The following NYX variants were observed in gnomAD, a reference collection of about 807,000 sequenced individuals.
The protein encoded by NYX is nyctalopin.
For synonymous variants in NYX, 258 were observed against 245.7 expected (o/e 1.05, Z -0.47); for missense variants, 481 against 485.4 (o/e 0.99, Z 0.09).
intron 2 of NYX, among the ~76,000 whole-genome samples, chrX:41,452,509 C>T (rs1220539602): frequency 9.0e-6 from 1 of 111,699 alleles, no homozygotes; most frequent in African/African-American, 3.3e-5. Flanking sequence ...AACGTTATTA[C>T]GTGGATTAGA....
In NYX at chrX:41,473,866, G is replaced by A; in HGVS notation, c.398G>A (p.Arg133His). Residue 133 changes from arginine to histidine, a missense_variant, in exon 3 of 3, where the codon CGC becomes CAC. By Grantham distance (29) the Arg-to-His change is conservative. Coordinates refer to ENST00000378220, the MANE Select transcript of NYX (RefSeq NM_001378477.3). ...ACCTTCGCGGCGCTCAGCCGCCTGC[G>A]CCGCCTAGACCTAGCAGCCTGCCGC... ...ARTFAALSRL[R>H]RLDLAACRLF... 1 of 1,112,659 alleles carries A rather than the reference G, an allele frequency of 9.0e-7. No individual in the cohort carries two copies. Among genetic ancestry groups the A allele is most frequent in the Non-Finnish European group, 1.2e-6 (1 of 853,523 alleles). The allele number at this position is 1,112,659 out of a possible 1,213,427, so 91.7% of individuals were successfully genotyped here.
At position 41,474,017 on chromosome X, in the gene NYX, C is replaced by T. The variant is rs1181283275; in HGVS notation, c.549C>T (p.His183=). The T allele has an allele frequency of 3.1e-5, 33 of 1,055,137 alleles. No homozygotes were observed. The highest frequency in any genetic ancestry group is 4.0e-5 in the Non-Finnish European group (33 of 827,290). 87.0% of individuals were successfully genotyped at this position (1,055,137 alleles called of 1,213,427 possible). ...LRGLANLTHA[H]LERGRIEAVA... ...GCCTGGCCAACCTGACGCACGCGCACCTGGAGCGCGGCCGCATCGAGGCGG... is the reference window on the plus strand; with the variant it reads ...GCCTGGCCAACCTGACGCACGCGCATCTGGAGCGCGGCCGCATCGAGGCGG... Residue 183 remains histidine, a synonymous_variant, in exon 3 of 3, where the codon CAC becomes CAT. Coordinates refer to ENST00000378220, the MANE Select transcript of NYX (RefSeq NM_001378477.3).
At chrX:41,457,260 C>T (rs2071753228) in intron 2 of NYX, among the ~76,000 whole-genome samples, 1 of 94,103 alleles carries the variant, frequency 1.1e-5, no homozygotes, top group South Asian at 6.0e-4. Context: ...GAGCCGAGAT[C>T]GTGTCATTGC....
intron 2 of NYX, among the ~76,000 whole-genome samples, chrX:41,466,787 C>CT (rs747247175): frequency 0.016 from 333 of 20,491 alleles, 5 homozygotes; most frequent in African/African-American, 0.019. Flanking sequence ...CCAGACTGGT[C>CT]TTTTTTTTTT....
chrX:41,471,618 G>A (rs1217298766), intron 2 of NYX, among the ~76,000 whole-genome samples: 4 of 111,404 alleles, frequency 3.6e-5, no homozygotes, highest in African/African-American at 1.3e-4. Context: ...TGGAGGTTTG[G>A]GGAGTTCCTC....
Position 41,471,829 on chromosome X carries a change from ATGTAT to A in NYX, c.23-1660_23-1656del, listed in dbSNP as rs763886099. On this transcript the variant is annotated intron_variant, in intron 2 of 2. Transcript: ENST00000378220. The stretch of plus-strand genomic sequence containing the variant: ...TAAGGGCACTGGTGTATATATATAT[ATGTAT>A]TTTTTTTTTTTTTTCCCCTGGGGTA... Among the ~76,000 whole-genome samples the A allele has an allele frequency of 3.5e-3, 269 of 77,818 alleles. 1 individual carries two copies. Among genetic ancestry groups the A allele is most frequent in the African/African-American group, 7.5e-3 (162 of 21,730 alleles). 67.6% of individuals were successfully genotyped at this position (77,818 alleles called of 115,157 possible). A position where few individuals can be genotyped will look rare whatever the true frequency, so the allele number is the denominator to read the frequency against.
At chrX:41,454,391 C>T (rs2147013121) in intron 2 of NYX, among the ~76,000 whole-genome samples, 1 of 110,303 alleles carries the variant, frequency 9.1e-6, no homozygotes, top group South Asian at 3.9e-4. Context: ...CAGCTCACTG[C>T]AACCTCCGCC....
chrX:41,472,251 A>C (rs2859001), intron 2 of NYX: 2 of 1,012,647 alleles, frequency 2.0e-6, no homozygotes, highest in Admixed American at 2.5e-5. Context: ...AAAGGTGAAC[A>C]ATATCTTTAT....
chrX:41,459,541 C>T (rs986546003), intron 2 of NYX, among the ~76,000 whole-genome samples: 2 of 110,327 alleles, frequency 1.8e-5, no homozygotes, highest in African/African-American at 6.6e-5. Context: ...ATCACTTGAA[C>T]CCAGGAGGCG....
chrX:41,451,304 T>C (rs749105525), intron 2 of NYX, among the ~76,000 whole-genome samples: 2 of 111,706 alleles, frequency 1.8e-5, no homozygotes, highest in South Asian at 7.4e-4. Context: ...ATCCCACTCC[T>C]AGATAAATGA....
In NYX at chrX:41,474,169, A is replaced by C; in HGVS notation, c.701A>C (p.Asp234Ala). 1 of 1,152,602 alleles carries C rather than the reference A, an allele frequency of 8.7e-7. No individual in the cohort carries two copies. The highest frequency in any genetic ancestry group is 3.2e-5 in the East Asian group (1 of 30,922). The allele number at this position is 1,152,602 out of a possible 1,213,427, so 95.0% of individuals were successfully genotyped here. Residue 234 changes from aspartate (D) to alanine (A), a missense_variant, in exon 3 of 3, where the codon GAC (aspartate) becomes GCC (alanine). Transcript: ENST00000378220. Reference protein sequence around the residue: ...CGVLEHLLLNDNLLAELPADA... With the variant: ...CGVLEHLLLNANLLAELPADA... ...GTCCTGGAGCATCTGCTGCTCAACGACAACCTGCTGGCCGAGCTCCCGGCC... is the reference window on the plus strand; with the variant it reads ...GTCCTGGAGCATCTGCTGCTCAACGCCAACCTGCTGGCCGAGCTCCCGGCC...
At chrX:41,456,050 G>A (rs1388512216) in intron 2 of NYX, among the ~76,000 whole-genome samples, 1 of 111,625 alleles carries the variant, frequency 9.0e-6, no homozygotes, top group Non-Finnish European at 1.9e-5. Flanking sequence ...AGGTGAAGAG[G>A]TCACTGGCTG....
intron 2 of NYX, among the ~76,000 whole-genome samples, chrX:41,452,502 G>A (rs1368067543): frequency 1.8e-5 from 2 of 111,766 alleles, no homozygotes; most frequent in African/African-American, 6.5e-5. Context: ...ATTCATCAAC[G>A]TTATTACGTG....
At chrX:41,451,110 G>C (rs980053022) in intron 2 of NYX, among the ~76,000 whole-genome samples, 16 of 110,763 alleles carry the variant, frequency 1.4e-4, no homozygotes, top group African/African-American at 3.6e-4. Flanking sequence ...TGGGATTAGA[G>C]GTGTGAGCCA....
intron 2 of NYX, among the ~76,000 whole-genome samples, chrX:41,464,667 G>A (rs1188264369): frequency 1.2e-5 from 1 of 84,899 alleles, no homozygotes; most frequent in Non-Finnish European, 2.3e-5. Context: ...ATGATGGGCC[G>A]TGCGTGTGTG....
chrX:41,465,626 C>A (rs970873034), intron 2 of NYX, among the ~76,000 whole-genome samples: 1 of 104,630 alleles, frequency 9.6e-6, no homozygotes, highest in African/African-American at 3.5e-5. Context: ...ACCTGTAGTC[C>A]CAGCTACCTG....
In NYX at chrX:41,473,791, C is replaced by A. The variant is rs753740968; in HGVS notation, c.323C>A (p.Ala108Asp). The A allele has an allele frequency of 8.8e-7, 1 of 1,133,187 alleles. No individual in the cohort carries two copies. Among genetic ancestry groups the A allele is most frequent in the Admixed American group, 2.7e-5 (1 of 37,418 alleles). 93.4% of individuals were successfully genotyped at this position (1,133,187 alleles called of 1,213,427 possible). ...PGAFKGLPRL[A>D]ELRLAHNGDL... ...GCCTTCAAGGGCCTGCCGCGCCTGG[C>A]TGAGCTGCGCCTGGCGCACAACGGC... is the stretch of plus-strand genomic sequence containing the variant. The change falls in exon 3 of 3, where the codon GCT becomes GAT. Residue 108 changes from alanine (A) to aspartate (D), a missense_variant. Physicochemically the swap from Ala to Asp is moderately radical, Grantham distance 126. Transcript: ENST00000378220.
rs1187018220 is a variant in NYX, at chrX:41,464,162, T to TA, written c.23-9329_23-9328insA. Among the ~76,000 whole-genome samples the TA allele has an allele frequency of 2.4e-3, 259 of 109,637 alleles. 1 individual carries two copies. The highest frequency in any genetic ancestry group is 8.1e-3 in the African/African-American group (243 of 30,141). On this transcript the variant is annotated intron_variant, in intron 2 of 2. Transcript: ENST00000378220. ...CTAATCCCATTCTTTTTTTTTTTTTTTAAAACAAGGTCTGGCTCTGTGGCC... is the reference window on the plus strand; with the variant it reads ...CTAATCCCATTCTTTTTTTTTTTTTTATAAAACAAGGTCTGGCTCTGTGGCC...
At position 41,475,052 on chromosome X, in the gene NYX, C is replaced by A; in HGVS notation, c.*153C>A. ...GATGGCCCCAGGGAGAACACAGGGA[C>A]GTGCCACTCGAGGGGGAGGATGGTA... On this transcript the variant is annotated 3_prime_UTR_variant, in exon 3 of 3. Coordinates refer to ENST00000378220, the MANE Select transcript of NYX (RefSeq NM_001378477.3). The A allele has an allele frequency of 2.0e-6, 1 of 506,958 alleles. No homozygotes were observed. Among genetic ancestry groups the A allele is most frequent in the South Asian group, 2.8e-5 (1 of 35,627 alleles). The allele number at this position is 506,958 out of a possible 1,213,427, so 41.8% of individuals were successfully genotyped here.
Sources: gnomAD v4.1 joint callset for allele counts (sites outside exome capture counted in the v4.1 genomes callset) on GRCh38, gnomAD v4.1.1 for gene constraint, MANE v1.5 for transcripts, NCBI Gene and HGNC (gene_info 2026-07-23, HGNC 2026-07-21) for gene names.